LYPLAL1: variants seen among roughly 807,000 people sequenced by gnomAD.
The protein encoded by LYPLAL1 is lysophospholipase-like protein 1.
LYPLAL1 carries 23 observed loss-of-function variants against 19.7 expected under a neutral mutation model. The ratio of observed to expected loss-of-function variants is 1.17; its 90% CI spans 0.84 to 1.65. LYPLAL1 has a LOEUF of 1.65. LYPLAL1 is among the 40% of genes most tolerant of loss of function. The pLI is 0.00. For missense variants in LYPLAL1, 355 were observed against 279.4 expected, an observed-to-expected ratio of 1.27 and a Z score of -1.93; for synonymous variants, 119 against 96.3, an observed-to-expected ratio of 1.24 and a Z score of -1.38.
chr1:219,273,385 G>A, the LYPLAL1 span: 3 of 152,092 alleles, frequency 2.0e-5, no homozygotes, highest in Non-Finnish European at 4.4e-5. Flanking sequence ...TTCATAATCA[G>A]AACCCTCAGT....
intron 3 of LYPLAL1, among the ~76,000 whole-genome samples, chr1:219,195,780 A>G (rs1657552438): frequency 6.6e-6 from 1 of 152,114 alleles, no homozygotes; most frequent in African/African-American, 2.4e-5. Flanking sequence ...TGCTATACCT[A>G]TTAACCTATC....
the LYPLAL1 span, among the ~76,000 whole-genome samples, chr1:219,409,273 AC>A: frequency 1.3e-5 from 2 of 152,102 alleles, no homozygotes; most frequent in South Asian, 2.1e-4. Flanking sequence ...ACATGGTGAA[AC>A]CCTGTCTCTA....
chr1:219,181,625 G>A (rs762229135), intron 2 of LYPLAL1, among the ~76,000 whole-genome samples: 1 of 152,178 alleles, frequency 6.6e-6, no homozygotes, highest in Admixed American at 6.6e-5. Context: ...AAGTGTGAGG[G>A]TGTGCAAGAA....
the LYPLAL1 span, among the ~76,000 whole-genome samples, chr1:219,290,904 C>G: frequency 1.3e-5 from 2 of 152,130 alleles, no homozygotes; most frequent in African/African-American, 4.8e-5. Context: ...CACAGACCAG[C>G]CTGGTGTAGG....
the LYPLAL1 span, among the ~76,000 whole-genome samples, chr1:219,315,367 T>G: frequency 1.3e-5 from 2 of 152,098 alleles, no homozygotes; most frequent in Non-Finnish European, 2.9e-5. Flanking sequence ...CTTGAGTCAA[T>G]CTTCGCCTAG....
chr1:219,375,987 C>T, the LYPLAL1 span, among the ~76,000 whole-genome samples: 32 of 152,172 alleles, frequency 2.1e-4, no homozygotes, highest in Admixed American at 4.6e-4. Context: ...ATGATTCACC[C>T]GCCTCGGCCT....
the LYPLAL1 span, among the ~76,000 whole-genome samples, chr1:219,308,594 G>C: frequency 6.6e-6 from 1 of 152,190 alleles, no homozygotes; most frequent in Admixed American, 6.5e-5. Context: ...TCCAGCCATG[G>C]CTGGAAGGCG....
the LYPLAL1 span, among the ~76,000 whole-genome samples, chr1:219,232,260 G>A: frequency 3.0e-3 from 462 of 152,166 alleles, no homozygotes; most frequent in Non-Finnish European, 5.0e-3. Flanking sequence ...AGTAATGCCC[G>A]AGCTCAGATA....
At chr1:219,181,682 A>G (rs1473435770) in intron 2 of LYPLAL1, among the ~76,000 whole-genome samples, 2 of 152,182 alleles carry the variant, frequency 1.3e-5, no homozygotes, top group African/African-American at 4.8e-5. Flanking sequence ...GGCGTTAGAT[A>G]TAGGAATACA....
chr1:219,306,811 TATAG>T, the LYPLAL1 span, among the ~76,000 whole-genome samples: 5,189 of 132,464 alleles, frequency 0.039, 154 homozygotes, highest in African/African-American at 0.076. Flanking sequence ...CATAGATAGA[TATAG>T]ATAGATAGAT....
intron 2 of LYPLAL1, among the ~76,000 whole-genome samples, chr1:219,181,805 T>G (rs1656316218): frequency 6.6e-6 from 1 of 152,140 alleles, no homozygotes; most frequent in Admixed American, 6.6e-5. Context: ...CTGGACTAAT[T>G]TTCTAGAGCA....
chr1:219,431,148 A>G, the LYPLAL1 span, among the ~76,000 whole-genome samples: 5 of 152,218 alleles, frequency 3.3e-5, no homozygotes, highest in Non-Finnish European at 7.3e-5. Flanking sequence ...GCAATGGAGA[A>G]TGGTTCAAAT....
chr1:219,187,213 A>G (rs767466422), intron 2 of LYPLAL1, among the ~76,000 whole-genome samples: 37 of 151,858 alleles, frequency 2.4e-4, no homozygotes, highest in Middle Eastern at 3.4e-3. Flanking sequence ...TTTATTGTAT[A>G]TACTCAGTTG....
chr1:219,386,436 C>T, the LYPLAL1 span, among the ~76,000 whole-genome samples: 2 of 152,072 alleles, frequency 1.3e-5, no homozygotes, highest in Non-Finnish European at 2.9e-5. Context: ...TCCTAAGTTG[C>T]CAGGAATTAT....
At chr1:219,283,370 T>C in the LYPLAL1 span, among the ~76,000 whole-genome samples, 11 of 152,196 alleles carry the variant, frequency 7.2e-5, no homozygotes, top group Non-Finnish European at 1.6e-4. Flanking sequence ...CCTAGAATTA[T>C]CGATGAAGAA....
intron 1 of LYPLAL1, among the ~76,000 whole-genome samples, chr1:219,176,420 C>T (rs1174536346): frequency 1.3e-5 from 2 of 152,200 alleles, no homozygotes; most frequent in African/African-American, 2.4e-5. Context: ...TAAGGCTCAG[C>T]AAGTTGACTG....
chr1:219,232,308 A>G, the LYPLAL1 span, among the ~76,000 whole-genome samples: 1 of 151,632 alleles, frequency 6.6e-6, no homozygotes, highest in South Asian at 2.1e-4. Context: ...AAATACATAC[A>G]TACACACAAA....
the LYPLAL1 span, among the ~76,000 whole-genome samples, chr1:219,434,136 T>C: frequency 1.3e-5 from 2 of 152,308 alleles, no homozygotes; most frequent in East Asian, 3.9e-4. Context: ...AGAAAACTAA[T>C]GAAGTGGCTT....
the LYPLAL1 span, among the ~76,000 whole-genome samples, chr1:219,259,107 A>T: frequency 6.6e-6 from 1 of 152,062 alleles, no homozygotes; most frequent in Non-Finnish European, 1.5e-5. Context: ...TAAAAAATAA[A>T]AAAAAATAGG....
Sources: gnomAD v4.1 joint callset for allele counts (sites outside exome capture counted in the v4.1 genomes callset) on GRCh38, gnomAD v4.1.1 for gene constraint, MANE v1.5 for transcripts, NCBI Gene and HGNC (gene_info 2026-07-23, HGNC 2026-07-21) for gene names.